The following DPP6 variants were observed in gnomAD, a reference collection of about 807,000 sequenced individuals.
DPP6 encodes dipeptidyl peptidase like 6.
DPP6 carries 69 observed loss-of-function variants against 122.6 expected under a neutral mutation model. That is an observed-to-expected ratio of 0.56 (90% confidence interval 0.46 to 0.69). The LOEUF (loss-of-function observed/expected upper bound fraction) is 0.69, where lower values mean the gene tolerates loss of function less well. DPP6 is among the 30% of genes least tolerant of loss of function. DPP6 has a pLI of 0.00. For missense variants in DPP6, 928 were observed against 1,116.9 expected, an observed-to-expected ratio of 0.83 and a Z score of 2.41; for synonymous variants, 418 against 433.1, an observed-to-expected ratio of 0.97 and a Z score of 0.43.
intron 17 of DPP6, 70 bp from the exon 18 acceptor site, chr7:154,867,925 G>T: frequency 6.7e-7 from 1 of 1,487,984 alleles, no homozygotes; most frequent in Non-Finnish European, 8.9e-7. Flanking sequence ...CACATGAAAA[G>T]CCATGGCCCG....
At chr7:154,464,685 A>T (rs1213579000) in intron 2 of DPP6, among the ~76,000 whole-genome samples, 1 of 152,248 alleles carries the variant, frequency 6.6e-6, no homozygotes, top group Non-Finnish European at 1.5e-5. Flanking sequence ...ATTAATAGTT[A>T]CAATTGGTCT....
intron 21 of DPP6, chr7:154,884,299 C>G (rs540081877): frequency 7.8e-6 from 1 of 127,742 alleles, no homozygotes; most frequent in Non-Finnish European, 1.6e-5. Context: ...AACATGATTA[C>G]ATACACCTAC....
chr7:154,668,705 A>G (rs1294339979), intron 6 of DPP6, among the ~76,000 whole-genome samples: 1 of 152,200 alleles, frequency 6.6e-6, no homozygotes, highest in African/African-American at 2.4e-5. Context: ...TACTTATAAA[A>G]TGTTAGCACT....
chr7:154,729,625 A>G (rs1842237199), intron 8 of DPP6, among the ~76,000 whole-genome samples: 1 of 152,050 alleles, frequency 6.6e-6, no homozygotes, highest in African/African-American at 2.4e-5. Flanking sequence ...TTCTCCCTAA[A>G]TCTGTCTTCC....
At chr7:154,655,922 T>C (rs1041894178) in intron 6 of DPP6, among the ~76,000 whole-genome samples, 7 of 152,088 alleles carry the variant, frequency 4.6e-5, no homozygotes, top group Admixed American at 4.6e-4. Context: ...CTTTGGGCCT[T>C]GGTGGAACTG....
chr7:154,197,150 A>T (rs544826677), intron 1 of DPP6, among the ~76,000 whole-genome samples: 1 of 152,066 alleles, frequency 6.6e-6, no homozygotes, highest in East Asian at 2.0e-4. Flanking sequence ...CCCACGGCAC[A>T]GCCTGGTGAA....
chr7:154,764,721 G>A (rs532703318), intron 8 of DPP6, among the ~76,000 whole-genome samples: 1 of 152,106 alleles, frequency 6.6e-6, no homozygotes, highest in African/African-American at 2.4e-5. Flanking sequence ...CACTTTCCCC[G>A]AGTTGCAAGT....
At chr7:153,954,738 A>G (rs1271246920) in intron 1 of DPP6, among the ~76,000 whole-genome samples, 1 of 152,222 alleles carries the variant, frequency 6.6e-6, no homozygotes, top group Non-Finnish European at 1.5e-5. Flanking sequence ...TCTCCAGCAG[A>G]CGGCCTTTGG....
chr7:153,880,882 T>A, the DPP6 span, among the ~76,000 whole-genome samples: 2 of 152,196 alleles, frequency 1.3e-5, no homozygotes, highest in Admixed American at 6.5e-5. Context: ...TGAACATAAA[T>A]CATTTCTTTC....
At chr7:153,928,395 C>CCTTTTT (rs1467865041) in intron 1 of DPP6, among the ~76,000 whole-genome samples, 3 of 29,996 alleles carry the variant, frequency 1.0e-4, no homozygotes, top group Non-Finnish European at 2.0e-4. Flanking sequence ...TCTTTTCTTT[C>CCTTTTT]ATTTTTTTTT....
chr7:154,227,831 G>C (rs1417180374), intron 1 of DPP6, among the ~76,000 whole-genome samples: 1 of 152,300 alleles, frequency 6.6e-6, no homozygotes, highest in East Asian at 1.9e-4. Context: ...CTATTTGAAT[G>C]GATCATCAGG....
chr7:154,845,530 G>A (rs1419414325), intron 16 of DPP6, among the ~76,000 whole-genome samples: 1 of 152,206 alleles, frequency 6.6e-6, no homozygotes, highest in African/African-American at 2.4e-5. Context: ...GGGGAAGGGA[G>A]GAGGGATAGC....
chr7:154,816,560 A>C (rs1294925211), intron 16 of DPP6, among the ~76,000 whole-genome samples: 2 of 152,202 alleles, frequency 1.3e-5, no homozygotes, highest in African/African-American at 4.8e-5. Flanking sequence ...GTGCATGTAG[A>C]GTACTTACCA....
chr7:153,754,532 A>G, the DPP6 span, among the ~76,000 whole-genome samples: 5 of 151,952 alleles, frequency 3.3e-5, no homozygotes, highest in African/African-American at 7.3e-5. Context: ...GATTTTCTTC[A>G]TATTTATTAC....
intron 1 of DPP6, among the ~76,000 whole-genome samples, chr7:154,061,878 G>C (rs1402824854): frequency 7.8e-6 from 1 of 128,796 alleles, no homozygotes; most frequent in Non-Finnish European, 1.7e-5. Context: ...CCCCCCGCGA[G>C]GCAGGGACTG....
chr7:154,051,412 G>A (rs374900042), upstream of DPP6, among the ~76,000 whole-genome samples: 58 of 151,352 alleles, frequency 3.8e-4, no homozygotes, highest in South Asian at 1.5e-3. Flanking sequence ...AGGACGGAGA[G>A]GAGTGCAGAA....
At chr7:154,532,116 C>T (rs78897472) in intron 3 of DPP6, among the ~76,000 whole-genome samples, 7,244 of 151,926 alleles carry the variant, frequency 0.048, 298 homozygotes, top group African/African-American at 0.11. Context: ...ATAAAAATGA[C>T]GTTTCAAAAG....
chr7:154,685,067 C>T (rs1839515804), intron 7 of DPP6, among the ~76,000 whole-genome samples: 1 of 152,204 alleles, frequency 6.6e-6, no homozygotes, highest in Non-Finnish European at 1.5e-5. Context: ...TAGAACATCT[C>T]ATTGTTACAC....
At chr7:154,621,299 ATG>A (rs1334026361) in intron 5 of DPP6, among the ~76,000 whole-genome samples, 4 of 152,182 alleles carry the variant, frequency 2.6e-5, no homozygotes, top group Non-Finnish European at 5.9e-5. Context: ...ATATAACCCT[ATG>A]TGTAATTAGT....
Sources: allele counts gnomAD v4.1 joint callset (sites outside exome capture counted in the v4.1 genomes callset), GRCh38; gene constraint gnomAD v4.1.1; transcripts MANE v1.5; gene names NCBI Gene and HGNC (gene_info 2026-07-23, HGNC 2026-07-21).